COBL: variants seen among roughly 807,000 people sequenced by gnomAD.
COBL encodes cordon-bleu WH2 repeat protein.
Under a neutral mutation model 98.8 loss-of-function variants are expected in COBL, and 51 were observed. The observed-to-expected ratio is 0.52, with a 90% CI of 0.41 to 0.65. The LOEUF is 0.65. COBL is among the 30% of genes least tolerant of loss of function. The probability of loss-of-function intolerance (pLI) is 0.00; values close to 1 mark genes in which losing one functional copy is unlikely to be tolerated. For missense variants in COBL, 1,617 were observed against 1,617.5 expected (o/e 1.00, Z 0.01); for synonymous variants, 634 against 651.7 (o/e 0.97, Z 0.41).
chr7:51,211,832 AT>A (rs1329242084), intron 2 of COBL, among the ~76,000 whole-genome samples: 1 of 152,150 alleles, frequency 6.6e-6, no homozygotes, highest in East Asian at 1.9e-4. Context: ...CGCCATTTTC[AT>A]TGACTACACA....
chr7:51,220,811 C>T (rs1793561375), intron 1 of COBL, among the ~76,000 whole-genome samples: 2 of 152,248 alleles, frequency 1.3e-5, no homozygotes, highest in South Asian at 4.1e-4. Flanking sequence ...CTCAAGTAGG[C>T]CCTGGTTCTG....
chr7:51,205,618 GTT>G (rs1410266851), intron 2 of COBL, among the ~76,000 whole-genome samples: 1 of 145,314 alleles, frequency 6.9e-6, no homozygotes, highest in African/African-American at 2.6e-5. Context: ...GCAGTTTTTT[GTT>G]TGTTTGTTTT....
chr7:51,056,810 C>CGAA (rs1421506683), intron 7 of COBL, among the ~76,000 whole-genome samples: 1 of 116,780 alleles, frequency 8.6e-6, no homozygotes, highest in Non-Finnish European at 1.7e-5. Context: ...CAGTGCTCTC[C>CGAA]CAACACACAC....
intron 2 of COBL, among the ~76,000 whole-genome samples, chr7:51,215,995 C>T (rs1247660921): frequency 6.6e-6 from 1 of 151,658 alleles, no homozygotes; most frequent in East Asian, 1.9e-4. Context: ...ATGCAATGGC[C>T]TGTAAAGGCA....
rs1037828407 is a variant in COBL, at chr7:51,295,008, C to T, written c.41+21585G>A. 1.1e-4 allele frequency among the ~76,000 whole-genome samples: 16 copies of T among 152,038 alleles called. No individual in the cohort carries two copies. The Middle Eastern group carries it at 0.01, about 97-fold the overall frequency. ...GGGGCTTAAAACCTAAATGACGGGC[C>T]GGGCACAATGGCTCTCAATCATAAT... On this transcript the variant is annotated intron_variant, in intron 1 of 12. Coordinates refer to ENST00000265136, the MANE Select transcript of COBL (RefSeq NM_015198.5).
At chr7:51,315,984 G>A (rs1017331538) in intron 1 of COBL, among the ~76,000 whole-genome samples, 4 of 152,232 alleles carry the variant, frequency 2.6e-5, no homozygotes, top group African/African-American at 9.6e-5. Context: ...ACTGCCAGGG[G>A]AGACCCTGGA....
intron 2 of COBL, among the ~76,000 whole-genome samples, chr7:51,208,231 C>A (rs1391403602): frequency 6.8e-6 from 1 of 146,288 alleles, no homozygotes; most frequent in Non-Finnish European, 1.5e-5. Context: ...CCCCTCCGCC[C>A]GGCAGCCGCC....
At chr7:51,088,851 C>T (rs1038416683) in intron 6 of COBL, among the ~76,000 whole-genome samples, 7 of 152,196 alleles carry the variant, frequency 4.6e-5, no homozygotes, top group African/African-American at 1.7e-4. Context: ...GAAACTAGGC[C>T]TTCCCGAGTA....
chr7:51,041,804 A>T (rs1409785648), intron 8 of COBL, among the ~76,000 whole-genome samples: 1 of 152,146 alleles, frequency 6.6e-6, no homozygotes, highest in East Asian at 1.9e-4. Flanking sequence ...TATTTCTGTT[A>T]ACATTTCCAT....
intron 1 of COBL, among the ~76,000 whole-genome samples, chr7:51,295,338 T>C (rs1383316304): frequency 6.7e-6 from 1 of 149,322 alleles, no homozygotes; most frequent in Non-Finnish European, 1.5e-5. Flanking sequence ...CAAACCACCA[T>C]GGCACATGTA....
intron 6 of COBL, among the ~76,000 whole-genome samples, chr7:51,109,568 G>T (rs566773697): frequency 1.3e-5 from 2 of 151,752 alleles, no homozygotes; most frequent in South Asian, 4.2e-4. Flanking sequence ...TGCATTTCCT[G>T]CCTGAGTTAT....
At chr7:51,033,151 C>G (rs936825781) in intron 8 of COBL, 1 of 152,048 alleles carries the variant, frequency 6.6e-6, no homozygotes, top group Non-Finnish European at 1.5e-5. Flanking sequence ...AAAAACCCAC[C>G]CCAAGCTGAT....
chr7:51,072,564 A>G (rs1792669662), intron 7 of COBL: 1 of 152,262 alleles, frequency 6.6e-6, no homozygotes, highest in Non-Finnish European at 1.5e-5. Context: ...CCAAGGCCAG[A>G]GGTCACGTGC....
rs528016017 is a variant in COBL, at chr7:51,191,622, C to G, written c.457-544G>C. Among the ~76,000 whole-genome samples the G allele has an allele frequency of 2.0e-5, 3 of 151,606 alleles. No homozygotes were observed. In the South Asian group the frequency reaches 6.2e-4, roughly 32 times the overall value. Reference sequence around the variant, plus strand: ...ATATGAAACATATACAGTGTGTACACAGACCTACATGTATTTATGTATACA... The same window carrying G: ...ATATGAAACATATACAGTGTGTACAGAGACCTACATGTATTTATGTATACA... On this transcript the variant is annotated intron_variant, in intron 3 of 12. Coordinates refer to ENST00000265136, the MANE Select transcript of COBL (RefSeq NM_015198.5).
In COBL at chr7:51,219,845, C is replaced by T. The variant is rs115321263; in HGVS notation, c.141G>A (p.Ser47=). ...CCTTCATGCGAACCAAGTTCTGCTG[C>T]GACCCGAGGGCCCCATCGTGGGGGG... ...QKPPHDGALG[S]QQNLVRMKEA... Residue 47 remains serine, a synonymous_variant, in exon 2 of 13, where the codon TCG becomes TCA. Transcript: ENST00000265136. 2.6e-3 allele frequency: 4,228 copies of T among 1,613,920 alleles called. 88 individuals carry two copies. In the African/African-American group the frequency reaches 0.048, roughly 18 times the overall value.
At position 51,028,240 on chromosome 7, in the gene COBL, C is replaced by T. The variant is rs1203287472; in HGVS notation, c.2856G>A (p.Gly952=). Residue 952 remains glycine (G), a synonymous_variant, in exon 10 of 13, where the codon GGG becomes GGA. Transcript: ENST00000265136. ...EDLAVGAPPR[G]EVIGPHRKLS... is the part of the protein sequence containing the mutation. ...ACTTCCTGTGTGGGCCAATGACCTC[C>T]CCCCTAGGAGGGGCTCCCACTGCCA... The T allele has an allele frequency of 6.2e-7, 1 of 1,613,984 alleles. No homozygotes were observed. Among genetic ancestry groups the T allele is most frequent in the East Asian group, 2.2e-5 (1 of 44,876 alleles).
intron 6 of COBL, 121 bp from the exon 7 acceptor site, chr7:51,085,425 A>G: frequency 3.5e-6 from 4 of 1,133,402 alleles, no homozygotes; most frequent in East Asian, 2.6e-5. Flanking sequence ...GTGCTCCAGG[A>G]GGGTTGTTAG....
chr7:51,219,890 A>C lies in COBL; in HGVS notation c.96T>G (p.His32Gln). The C allele has an allele frequency of 6.2e-7, 1 of 1,612,928 alleles. No individual in the cohort carries two copies. The highest frequency in any genetic ancestry group is 8.5e-7 in the Non-Finnish European group (1 of 1,180,000). Residue 32 changes from histidine to glutamine, a missense_variant, in exon 2 of 13, where the codon CAT becomes CAG. By Grantham distance (24) the His-to-Gln change is conservative. Transcript: ENST00000265136. Reference sequence around the variant, plus strand: ...GGGGGGGCTTCTGGTCACTGTGCACATGCAGAGTGGCAGCCTTTCCAGGAG... The same window carrying C: ...GGGGGGGCTTCTGGTCACTGTGCACCTGCAGAGTGGCAGCCTTTCCAGGAG... Reference protein sequence around the residue: ...PPPPGKAATLHVHSDQKPPHD... With the variant: ...PPPPGKAATLQVHSDQKPPHD...
chr7:51,206,126 C>T (rs567788439), intron 2 of COBL, among the ~76,000 whole-genome samples: 1 of 152,272 alleles, frequency 6.6e-6, no homozygotes, highest in South Asian at 2.1e-4. Context: ...GGAAAACAGT[C>T]TGGTGGTTCT....
Sources: gnomAD v4.1 joint callset for allele counts (sites outside exome capture counted in the v4.1 genomes callset) on GRCh38, gnomAD v4.1.1 for gene constraint, MANE v1.5 for transcripts, NCBI Gene and HGNC (gene_info 2026-07-23, HGNC 2026-07-21) for gene names.